HIP1: variants seen among roughly 807,000 people sequenced by gnomAD.
The protein encoded by HIP1 is huntingtin-interacting protein 1.
A neutral mutation model predicts 147.6 loss-of-function variants in HIP1; 65 were observed. That is an observed-to-expected ratio of 0.44 (90% CI 0.36 to 0.54). The LOEUF (loss-of-function observed/expected upper bound fraction) is 0.54, where lower values mean the gene tolerates loss of function less well. HIP1 is among the 20% of genes least tolerant of loss of function. The pLI is 0.00. For synonymous variants in HIP1, 479 were observed against 504.0 expected (o/e 0.95, Z 0.67); for missense variants, 1,061 against 1,299.6 (o/e 0.82, Z 2.82).
intron 1 of HIP1, among the ~76,000 whole-genome samples, chr7:75,619,129 T>C (rs904386810): frequency 1.3e-5 from 2 of 152,282 alleles, no homozygotes; most frequent in Non-Finnish European, 2.9e-5. Context: ...CACCCCCAAA[T>C]TGGACTCATT....
At chr7:75,632,754 G>A (rs192148059) in intron 1 of HIP1, among the ~76,000 whole-genome samples, 1 of 152,114 alleles carries the variant, frequency 6.6e-6, no homozygotes. Context: ...AGCGCAAATG[G>A]ACTATGCAAC....
intron 1 of HIP1, among the ~76,000 whole-genome samples, chr7:75,624,329 G>A (rs923687432): frequency 6.6e-6 from 1 of 152,126 alleles, no homozygotes; most frequent in African/African-American, 2.4e-5. Context: ...TTTCATCATC[G>A]GCTGCACGGC....
chr7:75,554,620 G>A (rs1794921413), intron 19 of HIP1, 94 bp from the exon 20 acceptor site: 14 of 846,802 alleles, frequency 1.7e-5, no homozygotes, highest in Non-Finnish European at 2.6e-5. Context: ...CTTACCTAGT[G>A]GGTAAGCTTC....
At chr7:75,563,523 T>A in intron 9 of HIP1, 1 of 501,904 alleles carries the variant, frequency 2.0e-6, no homozygotes, top group Non-Finnish European at 3.6e-6. Context: ...AGCTAATTTC[T>A]TCATTGCTGT....
intron 1 of HIP1, among the ~76,000 whole-genome samples, chr7:75,701,817 C>T (rs1800840762): frequency 6.6e-6 from 1 of 152,186 alleles, no homozygotes; most frequent in Non-Finnish European, 1.5e-5. Context: ...CACACCACTG[C>T]ACTCCTGGCT....
intron 1 of HIP1, among the ~76,000 whole-genome samples, chr7:75,621,272 C>T (rs1797838370): frequency 2.0e-5 from 3 of 151,904 alleles, no homozygotes; most frequent in Admixed American, 6.6e-5. Context: ...TCTAGGCACA[C>T]GAGCAGAAGC....
intron 1 of HIP1, among the ~76,000 whole-genome samples, chr7:75,649,669 T>G (rs1798910285): frequency 6.6e-6 from 1 of 152,092 alleles, no homozygotes; most frequent in African/African-American, 2.4e-5. Flanking sequence ...CAGGAGGCTG[T>G]GATGTGTAGC....
chr7:75,585,413 C>T lies in HIP1; in HGVS notation c.465+1340G>A, dbSNP rs587705994. Among the ~76,000 whole-genome samples, 189 of 152,132 alleles carry T rather than the reference C, an allele frequency of 1.2e-3. 2 individuals are homozygous for T. The highest frequency in any genetic ancestry group is 0.01 in the Middle Eastern group (3 of 292). On this transcript the variant is annotated intron_variant, in intron 5 of 30. Transcript: ENST00000336926. Reference sequence around the variant, plus strand: ...CTGGTCTTGAACTCCAGACCTCAGACGATCCGCCCGCCTTGGCCTCCTGAA... The same window carrying T: ...CTGGTCTTGAACTCCAGACCTCAGATGATCCGCCCGCCTTGGCCTCCTGAA...
At chr7:75,700,445 G>A (rs1554519101) in intron 1 of HIP1, among the ~76,000 whole-genome samples, 1 of 152,110 alleles carries the variant, frequency 6.6e-6, no homozygotes, top group Non-Finnish European at 1.5e-5. Context: ...ACCCTGATGG[G>A]CCTTTGCAGA....
intron 1 of HIP1, among the ~76,000 whole-genome samples, chr7:75,712,547 A>T (rs1164464480): frequency 1.3e-5 from 2 of 152,170 alleles, no homozygotes; most frequent in African/African-American, 2.4e-5. Context: ...CTTTGGGCCC[A>T]TATGTTGTAC....
chr7:75,674,843 G>A (rs1799843938), intron 1 of HIP1, among the ~76,000 whole-genome samples: 2 of 151,254 alleles, frequency 1.3e-5, no homozygotes, highest in Admixed American at 1.3e-4. Context: ...AAAATCCCTT[G>A]TATGTGATGA....
intron 17 of HIP1, 87 bp from the exon 18 acceptor site, chr7:75,556,256 G>A: frequency 6.7e-7 from 1 of 1,489,090 alleles, no homozygotes; most frequent in Non-Finnish European, 9.1e-7. Flanking sequence ...CCACCGGGTT[G>A]CAAGGACTGG....
chr7:75,622,849 T>TTATC (rs57401190), intron 1 of HIP1, among the ~76,000 whole-genome samples: 8,627 of 146,258 alleles, frequency 0.059, 314 homozygotes, highest in Non-Finnish European at 0.073. Flanking sequence ...AAATAAATAA[T>TTATC]TATCTATCTA....
chr7:75,553,374 A>G, intron 22 of HIP1, 79 bp downstream of exon 22: 3 of 1,518,490 alleles, frequency 2.0e-6, no homozygotes, highest in Non-Finnish European at 2.7e-6. Flanking sequence ...AGCTCAGAAC[A>G]TCACCGATTC....
chr7:75,634,300 G>A (rs1184388186), intron 1 of HIP1, among the ~76,000 whole-genome samples: 2 of 151,324 alleles, frequency 1.3e-5, no homozygotes, highest in South Asian at 2.1e-4. Flanking sequence ...GGGGATTTAC[G>A]AGGCTCAGAG....
intron 1 of HIP1, among the ~76,000 whole-genome samples, 196 bp from the exon 2 acceptor site, chr7:75,599,443 C>G (rs1363987054): frequency 6.6e-6 from 1 of 152,174 alleles, no homozygotes; most frequent in African/African-American, 2.4e-5. Flanking sequence ...CTGGCTGGGC[C>G]GTCCTGAGGG....
At chr7:75,705,688 C>T (rs547773150) in intron 1 of HIP1, among the ~76,000 whole-genome samples, 38 of 152,068 alleles carry the variant, frequency 2.5e-4, no homozygotes, top group Non-Finnish European at 3.7e-4. Flanking sequence ...CATAATATTC[C>T]GTTGTATAAA....
intron 30 of HIP1, among the ~76,000 whole-genome samples, chr7:75,539,059 G>GGTTC (rs1169249540): frequency 2.0e-5 from 3 of 152,238 alleles, no homozygotes; most frequent in Admixed American, 6.5e-5. Context: ...GGGCCTGGGA[G>GGTTC]GGAATGGCAG....
intron 1 of HIP1, among the ~76,000 whole-genome samples, chr7:75,620,260 C>T (rs1296402891): frequency 6.6e-6 from 1 of 151,746 alleles, no homozygotes; most frequent in Admixed American, 6.6e-5. Context: ...GTGGTGCATG[C>T]TTATAGTTCC....
Sources: gnomAD v4.1 joint callset for allele counts (sites outside exome capture counted in the v4.1 genomes callset) on GRCh38, gnomAD v4.1.1 for gene constraint, MANE v1.5 for transcripts, NCBI Gene and HGNC (gene_info 2026-07-23, HGNC 2026-07-21) for gene names.